PIP5K1A: variants seen among roughly 807,000 people sequenced by gnomAD.
PIP5K1A encodes the protein phosphatidylinositol-4-phosphate 5-kinase type 1 alpha, also known as phosphatidylinositol 4-phosphate 5-kinase type-1 alpha.
In PIP5K1A, 46 loss-of-function variants were observed where a neutral mutation model predicts 72.9. The observed-to-expected ratio is 0.63, with a 90% CI of 0.50 to 0.81. The LOEUF is 0.81. Ranked by LOEUF, PIP5K1A falls within the 30% of genes least tolerant of loss-of-function variation. The pLI, the probability that PIP5K1A is intolerant of heterozygous loss-of-function variation, is 0.00. For missense variants in PIP5K1A, 458 were observed against 706.1 expected, an observed-to-expected ratio of 0.65 and a Z score of 3.98; for synonymous variants, 228 against 255.1, an observed-to-expected ratio of 0.89 and a Z score of 1.01.
Position 151,244,610 on chromosome 1 carries a change from C to T in PIP5K1A, c.1640+2043C>T, listed in dbSNP as rs180828149. Among the ~76,000 whole-genome samples the T allele has an allele frequency of 1.3e-3, 197 of 152,284 alleles. 2 individuals carry two copies. The highest frequency in any genetic ancestry group is 4.6e-3 in the African/African-American group (190 of 41,554). On this transcript the variant is annotated intron_variant, in intron 14 of 15. Coordinates refer to ENST00000368888, the MANE Select transcript of PIP5K1A (RefSeq NM_001135638.2). Reference sequence around the variant, plus strand: ...GGCAGTGGTTGCAGTGAGCCGAAATCGCGCCACTGGACTCTAGCCTGGGTG... The same window carrying T: ...GGCAGTGGTTGCAGTGAGCCGAAATTGCGCCACTGGACTCTAGCCTGGGTG...
At chr1:151,196,664 C>G (rs1684576298), upstream of PIP5K1A, among the ~76,000 whole-genome samples, 1 of 148,102 alleles carries the variant, frequency 6.8e-6, no homozygotes, top group Non-Finnish European at 1.5e-5. Flanking sequence ...AATCAATTCT[C>G]CTGCCTCAGC....
In PIP5K1A at chr1:151,218,943, T is replaced by C. The variant is rs587737907; in HGVS notation, c.86-5302T>C. On this transcript the variant is annotated intron_variant, in intron 1 of 15. Transcript: ENST00000368888. ...TTGCCTGTCACTGCCTATGCTTTGA[T>C]TTTGAGCCCATTCCTTAACCTCTTC... Among the ~76,000 whole-genome samples, 3 of 152,276 alleles carry C rather than the reference T, an allele frequency of 2.0e-5. No homozygotes were observed. In the East Asian group the frequency reaches 5.8e-4, roughly 29 times the overall value.
chr1:151,209,919 G>T (rs893266930), intron 1 of PIP5K1A, among the ~76,000 whole-genome samples: 4 of 151,680 alleles, frequency 2.6e-5, no homozygotes, highest in Admixed American at 6.6e-5. Flanking sequence ...TTGCTCTGTT[G>T]CCCAGGCTGA....
intron 3 of PIP5K1A, among the ~76,000 whole-genome samples, chr1:151,225,889 G>A (rs963836921): frequency 8.0e-5 from 12 of 149,608 alleles, no homozygotes; most frequent in Non-Finnish European, 1.2e-4. Flanking sequence ...TGATTCTCCC[G>A]CCTCAGCCTC....
intron 1 of PIP5K1A, among the ~76,000 whole-genome samples, chr1:151,206,168 C>G (rs1469811389): frequency 6.6e-6 from 1 of 152,200 alleles, no homozygotes; most frequent in Non-Finnish European, 1.5e-5. Context: ...CTCAACCCCT[C>G]CATCTTTTTA....
At chr1:151,221,044 C>CT (rs1443694476) in intron 1 of PIP5K1A, among the ~76,000 whole-genome samples, 1 of 152,058 alleles carries the variant, frequency 6.6e-6, no homozygotes, top group Non-Finnish European at 1.5e-5. Flanking sequence ...TTTATGGTTT[C>CT]TTTTTTTCTA....
chr1:151,235,394 C>G (rs1246284971), intron 8 of PIP5K1A, among the ~76,000 whole-genome samples: 3 of 152,198 alleles, frequency 2.0e-5, no homozygotes, highest in Non-Finnish European at 4.4e-5. Flanking sequence ...AGATATCACT[C>G]TTGACCTCTG....
chr1:151,203,943 T>C (rs1685567435), intron 1 of PIP5K1A, among the ~76,000 whole-genome samples: 1 of 152,148 alleles, frequency 6.6e-6, no homozygotes, highest in African/African-American at 2.4e-5. Flanking sequence ...TATGATTTTA[T>C]CATGTGCACA....
chr1:151,226,297 G>GGC (rs1354670427), intron 3 of PIP5K1A, among the ~76,000 whole-genome samples: 1 of 151,812 alleles, frequency 6.6e-6, no homozygotes, highest in Non-Finnish European at 1.5e-5. Context: ...ATCTTGGCCA[G>GGC]GCTGGTCTTG....
Position 151,199,101 on chromosome 1 carries a change from G to C in PIP5K1A, c.85+20G>C. On this transcript the variant is annotated intron_variant, in intron 1 of 15. Transcript: ENST00000368888. ...CCTCAGGTAAGCCCGGCAGGGCGTG[G>C]GTAGGGAGCTGGTGAGGAATATGCG... 2 of 1,613,982 alleles carry C rather than the reference G, an allele frequency of 1.2e-6. No homozygotes were observed. Among genetic ancestry groups the C allele is most frequent in the Non-Finnish European group, 1.7e-6 (2 of 1,180,014 alleles).
intron 12 of PIP5K1A, among the ~76,000 whole-genome samples, chr1:151,241,245 T>C (rs1315188983): frequency 6.6e-6 from 1 of 152,070 alleles, no homozygotes; most frequent in Non-Finnish European, 1.5e-5. Flanking sequence ...CTCACACCAG[T>C]AATCCCAGCA....
Position 151,224,294 on chromosome 1 carries a change from G to T in PIP5K1A, c.120+15G>T. On this transcript the variant is annotated intron_variant, in intron 2 of 15. Transcript: ENST00000368888. The stretch of plus-strand genomic sequence containing the variant: ...TGGCATCTGAGGTGAGTTTCATACT[G>T]ATACAATGGTTACTAAAACCTTAAT... 6.2e-7 allele frequency: 1 copy of T among 1,611,868 alleles called. No individual in the cohort carries two copies. The highest frequency in any genetic ancestry group is 1.1e-5 in the South Asian group (1 of 91,024).
chr1:151,204,617 A>G (rs1377617158), intron 1 of PIP5K1A, among the ~76,000 whole-genome samples: 1 of 152,246 alleles, frequency 6.6e-6, no homozygotes, highest in Non-Finnish European at 1.5e-5. Flanking sequence ...TAGAAATGCA[A>G]ACATAGAATA....
intron 1 of PIP5K1A, among the ~76,000 whole-genome samples, chr1:151,212,439 CTG>C (rs1289673757): frequency 1.3e-5 from 2 of 152,164 alleles, no homozygotes; most frequent in African/African-American, 4.8e-5. Flanking sequence ...TGCCAAGTGA[CTG>C]GAAATCAGCT....
intron 4 of PIP5K1A, among the ~76,000 whole-genome samples, chr1:151,229,818 T>C (rs1689765561): frequency 6.7e-6 from 1 of 149,074 alleles, no homozygotes; most frequent in Admixed American, 6.8e-5. Flanking sequence ...GCATGGTGGC[T>C]CATGCCTGTA....
At chr1:151,246,233 C>A (rs781148447) in intron 14 of PIP5K1A, among the ~76,000 whole-genome samples, 1 of 152,060 alleles carries the variant, frequency 6.6e-6, no homozygotes, top group Non-Finnish European at 1.5e-5. Context: ...GGCGACAGAG[C>A]GAGATCTGTC....
chr1:151,220,399 A>C (rs2102352703), intron 1 of PIP5K1A, among the ~76,000 whole-genome samples: 1 of 151,778 alleles, frequency 6.6e-6, no homozygotes, highest in East Asian at 1.9e-4. Flanking sequence ...TCCTTTACTT[A>C]CATTATAAAA....
intron 1 of PIP5K1A, among the ~76,000 whole-genome samples, chr1:151,213,132 C>A (rs1236674560): frequency 1.3e-5 from 2 of 151,866 alleles, no homozygotes; most frequent in Non-Finnish European, 2.9e-5. Context: ...CTTGTGATTC[C>A]CCCGCCTTGG....
chr1:151,236,821 CTTTTTTTTTTT>C (rs369523470), intron 9 of PIP5K1A, 58 bp downstream of exon 9: 6 of 498,900 alleles, frequency 1.2e-5, no homozygotes, highest in Admixed American at 4.4e-5. Flanking sequence ...CTTTTCTTTT[CTTTTTTTTTTT>C]TTTTTTTTTT....
Sources: allele counts gnomAD v4.1 joint callset (sites outside exome capture counted in the v4.1 genomes callset), GRCh38; gene constraint gnomAD v4.1.1; transcripts MANE v1.5; gene names NCBI Gene and HGNC (gene_info 2026-07-23, HGNC 2026-07-21).